The following PLEKHA5 variants were observed in gnomAD, a reference collection of about 807,000 sequenced individuals.
PLEKHA5 encodes pleckstrin homology domain-containing family A member 5.
PLEKHA5 carries 55 observed loss-of-function variants against 181.9 expected under a neutral mutation model. That is an observed-to-expected ratio of 0.30 (90% CI 0.24 to 0.38). PLEKHA5 has a LOEUF of 0.38. PLEKHA5 is among the 10% of genes least tolerant of loss of function. PLEKHA5 has a pLI of 1.00. For missense variants in PLEKHA5, 1,432 were observed against 1,549.5 expected (o/e 0.92, Z 1.27); for synonymous variants, 535 against 529.4 (o/e 1.01, Z -0.15).
At chr12:19,346,857 A>G in intron 23 of PLEKHA5, 137 bp from the exon 24 acceptor site, 1 of 525,570 alleles carries the variant, frequency 1.9e-6, no homozygotes, top group Admixed American at 3.9e-5. Flanking sequence ...TTTACTTTTC[A>G]TTATTAGACT....
intron 25 of PLEKHA5, among the ~76,000 whole-genome samples, chr12:19,350,505 G>C (rs191935036): frequency 6.6e-6 from 1 of 152,166 alleles, no homozygotes; most frequent in African/African-American, 2.4e-5. Flanking sequence ...GGTGGCTCAC[G>C]CCTATCTATA....
chr12:19,286,718 C>T (rs1310571386), intron 12 of PLEKHA5, among the ~76,000 whole-genome samples: 1 of 152,112 alleles, frequency 6.6e-6, no homozygotes, highest in Non-Finnish European at 1.5e-5. Flanking sequence ...GTAATCCTAG[C>T]ACTTTGGGAG....
chr12:19,270,784 A>G (rs911243196), intron 10 of PLEKHA5, among the ~76,000 whole-genome samples: 1 of 152,196 alleles, frequency 6.6e-6, no homozygotes, highest in Non-Finnish European at 1.5e-5. Context: ...GAAAGATGCT[A>G]ATGTGCATCT....
At chr12:19,348,697 A>G (rs1485189455) in intron 25 of PLEKHA5, among the ~76,000 whole-genome samples, 178 bp downstream of exon 25, 1 of 152,210 alleles carries the variant, frequency 6.6e-6, no homozygotes, top group Non-Finnish European at 1.5e-5. Context: ...AAAAGATAAA[A>G]TGGCCCATAA....
intron 20 of PLEKHA5, among the ~76,000 whole-genome samples, chr12:19,334,963 A>G (rs1228076903): frequency 1.1e-5 from 1 of 91,034 alleles, no homozygotes; most frequent in Non-Finnish European, 2.0e-5. Flanking sequence ...ATTTTTCTTC[A>G]CCTAAGATTT....
chr12:19,238,799 CAAAAAAAA>C (rs3056444), intron 3 of PLEKHA5, among the ~76,000 whole-genome samples: 7 of 85,494 alleles, frequency 8.2e-5, no homozygotes, highest in African/African-American at 2.1e-4. Context: ...TAAATCTGGC[CAAAAAAAA>C]AAAAAAAAAA....
intron 3 of PLEKHA5, among the ~76,000 whole-genome samples, chr12:19,162,691 A>G (rs1275506705): frequency 6.6e-6 from 1 of 152,152 alleles, no homozygotes; most frequent in Admixed American, 6.5e-5. Flanking sequence ...ATGAACATTA[A>G]ATTGATATGG....
chr12:19,213,921 T>G (rs1469267002), intron 3 of PLEKHA5, among the ~76,000 whole-genome samples: 1 of 152,090 alleles, frequency 6.6e-6, no homozygotes, highest in African/African-American at 2.4e-5. Context: ...TTCTTTTTGT[T>G]GAGAAGCAAA....
chr12:19,283,766 G>T (rs763606738), intron 12 of PLEKHA5, 21 bp downstream of exon 12: 3 of 1,471,102 alleles, frequency 2.0e-6, no homozygotes, highest in African/African-American at 1.4e-5. Flanking sequence ...TGCTGATTTT[G>T]TGTTAACTCA....
chr12:19,301,243 C>G (rs1051744265), intron 15 of PLEKHA5, among the ~76,000 whole-genome samples: 5 of 152,130 alleles, frequency 3.3e-5, no homozygotes, highest in Non-Finnish European at 2.9e-5. Flanking sequence ...AAGATTTTCA[C>G]TTCAGGAATG....
At chr12:19,276,924 T>G (rs1156725969) in intron 11 of PLEKHA5, among the ~76,000 whole-genome samples, 1 of 152,192 alleles carries the variant, frequency 6.6e-6, no homozygotes, top group Non-Finnish European at 1.5e-5. Flanking sequence ...TGGCAGATGC[T>G]CAAATTTACC....
At chr12:19,131,709 G>T (rs1464176054) in intron 2 of PLEKHA5, among the ~76,000 whole-genome samples, 2 of 151,268 alleles carry the variant, frequency 1.3e-5, no homozygotes, top group Non-Finnish European at 2.9e-5. Flanking sequence ...ACTTTGCTTG[G>T]ACTCTGGTTT....
chr12:19,315,417 C>T (rs371089178), intron 16 of PLEKHA5, among the ~76,000 whole-genome samples: 14 of 152,140 alleles, frequency 9.2e-5, no homozygotes, highest in Admixed American at 7.2e-4. Flanking sequence ...GGTATTTTGT[C>T]GCTGTATTCT....
At chr12:19,351,366 A>G (rs192369914) in intron 25 of PLEKHA5, among the ~76,000 whole-genome samples, 126 of 152,168 alleles carry the variant, frequency 8.3e-4, no homozygotes, top group Non-Finnish European at 1.1e-3. Context: ...ACCAGACCTC[A>G]TCTCTATTTT....
chr12:19,291,524 C>G (rs772111795), intron 14 of PLEKHA5, 120 bp from the exon 15 acceptor site: 3 of 585,368 alleles, frequency 5.1e-6, no homozygotes, highest in Non-Finnish European at 6.0e-6. Context: ...TGAAAGTTGT[C>G]GTGTACTGTG....
chr12:19,347,540 C>A (rs888403507), intron 24 of PLEKHA5, among the ~76,000 whole-genome samples: 2 of 151,904 alleles, frequency 1.3e-5, no homozygotes, highest in Non-Finnish European at 2.9e-5. Context: ...AGAAAAAGAC[C>A]GTTACTAGGG....
At chr12:19,202,756 C>G (rs995204105) in intron 3 of PLEKHA5, among the ~76,000 whole-genome samples, 1 of 152,116 alleles carries the variant, frequency 6.6e-6, no homozygotes. Context: ...AGTCTTGCTC[C>G]TCTCATTCCC....
intron 3 of PLEKHA5, among the ~76,000 whole-genome samples, chr12:19,182,021 A>G (rs949012704): frequency 5.0e-4 from 76 of 152,268 alleles, no homozygotes; most frequent in African/African-American, 1.8e-3. Context: ...TTTGCTTTCT[A>G]TCTTATGGTT....
chr12:19,335,739 C>G (rs754791836), intron 20 of PLEKHA5, among the ~76,000 whole-genome samples: 9 of 151,962 alleles, frequency 5.9e-5, no homozygotes, highest in Non-Finnish European at 1.3e-4. Flanking sequence ...TCAAGCGATT[C>G]TCCCTCCACA....
Sources: gnomAD v4.1 joint callset for allele counts (sites outside exome capture counted in the v4.1 genomes callset) on GRCh38, gnomAD v4.1.1 for gene constraint, MANE v1.5 for transcripts, NCBI Gene and HGNC (gene_info 2026-07-23, HGNC 2026-07-21) for gene names.